Variants in PCDH15 observed in about 807,000 individuals in gnomAD.
The protein encoded by PCDH15 is protocadherin related 15, also known as protocadherin-15.
In PCDH15, 129 loss-of-function variants were observed where a neutral mutation model predicts 178.5. The ratio of observed to expected loss-of-function variants is 0.72; its 90% CI spans 0.63 to 0.84. The LOEUF (loss-of-function observed/expected upper bound fraction) is 0.84. Among genes scored for constraint, PCDH15 ranks in the 40% least tolerant of loss-of-function variants. PCDH15 has a pLI of 0.00. For missense variants in PCDH15, 2,230 were observed against 2,099.9 expected, an observed-to-expected ratio of 1.06 and a Z score of -1.21; for synonymous variants, 800 against 732.0, an observed-to-expected ratio of 1.09 and a Z score of -1.50.
intron 2 of PCDH15, among the ~76,000 whole-genome samples, chr10:55,537,260 G>T (rs185780721): frequency 1.0e-3 from 154 of 152,168 alleles, no homozygotes; most frequent in African/African-American, 3.4e-3. Context: ...TAAGAGAAAT[G>T]CAGTTTTTTA....
At chr10:54,866,310 A>G (rs1485638668) in intron 3 of PCDH15, among the ~76,000 whole-genome samples, 2 of 152,172 alleles carry the variant, frequency 1.3e-5, no homozygotes, top group Admixed American at 6.5e-5. Context: ...CCCTTTTGCT[A>G]ATGAACAGTT....
chr10:54,858,300 T>G (rs1250324563), intron 3 of PCDH15, among the ~76,000 whole-genome samples: 1 of 152,200 alleles, frequency 6.6e-6, no homozygotes, highest in African/African-American at 2.4e-5. Context: ...ATATCTTTGT[T>G]GATTCATTCA....
At chr10:54,535,887 C>T (rs1025658261) in intron 2 of PCDH15, among the ~76,000 whole-genome samples, 6 of 152,128 alleles carry the variant, frequency 3.9e-5, no homozygotes, top group South Asian at 2.1e-4. Flanking sequence ...TATGTAAATA[C>T]ATTGTCAAAA....
intron 8 of PCDH15, among the ~76,000 whole-genome samples, chr10:54,245,477 A>T (rs946225103): frequency 4.6e-5 from 7 of 152,148 alleles, no homozygotes; most frequent in African/African-American, 1.7e-4. Context: ...GCTTTGGAAG[A>T]TTGCCAGATA....
chr10:54,382,022 C>A (rs539868066), intron 3 of PCDH15, among the ~76,000 whole-genome samples: 1 of 152,134 alleles, frequency 6.6e-6, no homozygotes, highest in African/African-American at 2.4e-5. Context: ...AAGACTTGTT[C>A]TCTTGTATTT....
chr10:54,792,015 G>C (rs1208022443), intron 1 of PCDH15, among the ~76,000 whole-genome samples: 1 of 151,844 alleles, frequency 6.6e-6, no homozygotes, highest in Non-Finnish European at 1.5e-5. Context: ...CTGAGAAGTA[G>C]AAAGAACAAG....
At chr10:54,785,642 G>T (rs1167020157) in intron 1 of PCDH15, among the ~76,000 whole-genome samples, 1 of 152,058 alleles carries the variant, frequency 6.6e-6, no homozygotes, top group Non-Finnish European at 1.5e-5. Flanking sequence ...GAACGCAAAT[G>T]GCTGTTCAGA....
intron 2 of PCDH15, among the ~76,000 whole-genome samples, chr10:54,560,710 TATAAA>T (rs1311783157): frequency 1.3e-5 from 2 of 152,112 alleles, no homozygotes; most frequent in African/African-American, 4.8e-5. Context: ...TTTTTTATGT[TATAAA>T]ATAAAACTTG....
chr10:53,969,411 G>A (rs1382563628), intron 21 of PCDH15, among the ~76,000 whole-genome samples: 1 of 152,202 alleles, frequency 6.6e-6, no homozygotes, highest in Non-Finnish European at 1.5e-5. Context: ...CAGTGAGAAT[G>A]GAACCAAGTT....
At chr10:54,637,998 T>C (rs2093901827) in intron 2 of PCDH15, among the ~76,000 whole-genome samples, 1 of 152,052 alleles carries the variant, frequency 6.6e-6, no homozygotes, top group Non-Finnish European at 1.5e-5. Context: ...ATAATTCCTT[T>C]AGATTAATTC....
At chr10:54,505,702 G>T (rs1343810670) in intron 3 of PCDH15, among the ~76,000 whole-genome samples, 1 of 151,866 alleles carries the variant, frequency 6.6e-6, no homozygotes, top group Non-Finnish European at 1.5e-5. Flanking sequence ...TGTAGATGAC[G>T]GGTCGATGGG....
At chr10:54,074,400 T>G (rs2094301959) in intron 17 of PCDH15, among the ~76,000 whole-genome samples, 1 of 152,190 alleles carries the variant, frequency 6.6e-6, no homozygotes, top group African/African-American at 2.4e-5. Context: ...TCTTTGTGAT[T>G]TTTGACCATT....
chr10:54,160,457 T>C (rs12248502), intron 13 of PCDH15, among the ~76,000 whole-genome samples: 2,651 of 152,226 alleles, frequency 0.017, 88 homozygotes, highest in African/African-American at 0.061. Context: ...AAAGCTACAC[T>C]ATGAATACTA....
intron 15 of PCDH15, among the ~76,000 whole-genome samples, chr10:54,116,025 T>C (rs1244229680): frequency 1.3e-5 from 2 of 152,028 alleles, no homozygotes; most frequent in African/African-American, 4.8e-5. Context: ...TTTCAATTTT[T>C]AAAAGTCAGG....
At chr10:54,143,436 C>T (rs1435305242) in intron 14 of PCDH15, among the ~76,000 whole-genome samples, 2 of 152,108 alleles carry the variant, frequency 1.3e-5, no homozygotes, top group Non-Finnish European at 2.9e-5. Context: ...TAATCAGCTA[C>T]AGTCTAGGGA....
chr10:54,601,014 A>C (rs1034243184), intron 2 of PCDH15, among the ~76,000 whole-genome samples: 1 of 152,050 alleles, frequency 6.6e-6, no homozygotes, highest in African/African-American at 2.4e-5. Flanking sequence ...TCTTAGCCTT[A>C]AGAAAGCTAT....
At chr10:53,985,088 A>T (rs2091002249) in intron 21 of PCDH15, among the ~76,000 whole-genome samples, 1 of 152,202 alleles carries the variant, frequency 6.6e-6, no homozygotes. Flanking sequence ...GCCAACTCCT[A>T]GCTGCCTCAC....
intron 16 of PCDH15, among the ~76,000 whole-genome samples, chr10:54,081,475 G>A (rs1163266215): frequency 1.3e-5 from 2 of 152,058 alleles, no homozygotes; most frequent in Non-Finnish European, 2.9e-5. Flanking sequence ...TTATTATAGA[G>A]GTAGTTTTTA....
At position 54,752,759 on chromosome 10, in the gene PCDH15, T is replaced by C. The variant is rs1369717824; in HGVS notation, c.-29+48166A>G. 2.7e-5 allele frequency among the ~76,000 whole-genome samples: 4 copies of C among 150,562 alleles called. No individual in the cohort carries two copies. The Admixed American group carries it at 2.7e-4, about 10-fold the overall frequency. On this transcript the variant is annotated intron_variant, in intron 1 of 37. Coordinates refer to ENST00000644397, the MANE Select transcript of PCDH15 (RefSeq NM_001384140.1). The stretch of plus-strand genomic sequence containing the variant: ...ACCTCACTTATTTCCTGCTGGTTTA[T>C]CAGCCGTCAGGAAGGATTTGCACTC...
Sources: allele counts gnomAD v4.1 joint callset (sites outside exome capture counted in the v4.1 genomes callset), GRCh38; gene constraint gnomAD v4.1.1; transcripts MANE v1.5; gene names NCBI Gene and HGNC (gene_info 2026-07-23, HGNC 2026-07-21).